ABLIM1: variants seen among roughly 807,000 people sequenced by gnomAD.
The protein encoded by ABLIM1 is actin-binding LIM protein 1.
A neutral mutation model predicts 107.0 loss-of-function variants in ABLIM1; 40 were observed. That is an observed-to-expected ratio of 0.37 (90% CI 0.29 to 0.49). The LOEUF is 0.49. ABLIM1 is among the 20% of genes least tolerant of loss of function. ABLIM1 has a pLI of 0.97. For missense variants in ABLIM1, 857 were observed against 1,008.5 expected, an observed-to-expected ratio of 0.85 and a Z score of 2.04; for synonymous variants, 357 against 357.3, an observed-to-expected ratio of 1.00 and a Z score of 0.01.
intron 6 of ABLIM1, among the ~76,000 whole-genome samples, chr10:114,513,270 C>T (rs1413545679): frequency 6.6e-6 from 1 of 152,050 alleles, no homozygotes; most frequent in Non-Finnish European, 1.5e-5. Context: ...AGAAAGAAAG[C>T]ATATCAGTTC....
intron 1 of ABLIM1, among the ~76,000 whole-genome samples, chr10:114,650,839 T>C (rs1192164187): frequency 6.6e-6 from 1 of 152,176 alleles, no homozygotes; most frequent in Non-Finnish European, 1.5e-5. Flanking sequence ...TTCTCACACA[T>C]TTGGGTGAGA....
Position 114,473,905 on chromosome 10 carries a change from G to GAATACTGGAGCCTGGCCTAGAATA in ABLIM1, c.1069_1092dup (p.Tyr357_Ile364dup), listed in dbSNP as rs779051093. On this transcript the variant is annotated inframe_insertion, in exon 9 of 23. Transcript: ENST00000533213. ...TAGATAGTATGACCTGGTGAGCCAGGAATACTGGAGCCTGGCCTAGAATAA... is the reference window on the plus strand; with the variant it reads ...TAGATAGTATGACCTGGTGAGCCAGGAATACTGGAGCCTGGCCTAGAATAAATACTGGAGCCTGGCCTAGAATAA... 6.2e-7 allele frequency: 1 copy of GAATACTGGAGCCTGGCCTAGAATA among 1,613,616 alleles called. No individual in the cohort carries two copies. Among genetic ancestry groups the GAATACTGGAGCCTGGCCTAGAATA allele is most frequent in the Non-Finnish European group, 8.5e-7 (1 of 1,179,630 alleles).
intron 6 of ABLIM1, among the ~76,000 whole-genome samples, chr10:114,530,745 G>A (rs186383966): frequency 6.6e-6 from 1 of 152,144 alleles, no homozygotes; most frequent in Admixed American, 6.5e-5. Flanking sequence ...TATTGGCCAG[G>A]CTGCTCTCAA....
At chr10:114,702,844 A>G (rs1361451606) in intron 1 of ABLIM1, among the ~76,000 whole-genome samples, 1 of 152,214 alleles carries the variant, frequency 6.6e-6, no homozygotes, top group Non-Finnish European at 1.5e-5. Flanking sequence ...AATTATTCAT[A>G]TAAATAATAA....
intron 6 of ABLIM1, among the ~76,000 whole-genome samples, chr10:114,521,391 A>G (rs2063710745): frequency 6.6e-6 from 1 of 152,268 alleles, no homozygotes; most frequent in Non-Finnish European, 1.5e-5. Context: ...GTATGCTTAT[A>G]AAGTGCTAAG....
intron 4 of ABLIM1, among the ~76,000 whole-genome samples, chr10:114,560,060 G>A (rs2069457800): frequency 6.6e-6 from 1 of 152,220 alleles, no homozygotes; most frequent in African/African-American, 2.4e-5. Context: ...CACCAGCCCA[G>A]TAATTTCTGG....
rs7091500 is a variant in ABLIM1, at chr10:114,509,269, C to T, written c.895-17391G>A. ...GCGGTGTGAGAAAGGACTCCCAGGA[C>T]GAGTCAGGGTGAGGCGCCAGCAGCC... On this transcript the variant is annotated intron_variant, in intron 6 of 22. Coordinates refer to ENST00000533213, the MANE Select transcript of ABLIM1 (RefSeq NM_002313.7). Among the ~76,000 whole-genome samples the T allele has an allele frequency of 6.4e-3, 973 of 152,274 alleles. 10 individuals carry two copies. Among genetic ancestry groups the T allele is most frequent in the African/African-American group, 0.022 (920 of 41,562 alleles).
At chr10:114,793,824 T>C in the ABLIM1 span, among the ~76,000 whole-genome samples, 2 of 152,230 alleles carry the variant, frequency 1.3e-5, no homozygotes, top group African/African-American at 4.8e-5. Context: ...TCCCTCTGTC[T>C]ATTACCAGGG....
At chr10:114,725,647 T>A (rs2081942009) in intron 1 of ABLIM1, among the ~76,000 whole-genome samples, 1 of 151,964 alleles carries the variant, frequency 6.6e-6, no homozygotes, top group Non-Finnish European at 1.5e-5. Context: ...AGATGGGAGC[T>A]ATGTAGGTAT....
At chr10:114,559,266 G>T (rs1350162615) in intron 4 of ABLIM1, among the ~76,000 whole-genome samples, 2 of 151,818 alleles carry the variant, frequency 1.3e-5, no homozygotes, top group African/African-American at 4.8e-5. Flanking sequence ...CTCAATCATG[G>T]TATGCTCTCA....
At chr10:114,551,768 A>G (rs2068089925) in intron 4 of ABLIM1, among the ~76,000 whole-genome samples, 1 of 152,228 alleles carries the variant, frequency 6.6e-6, no homozygotes, top group Non-Finnish European at 1.5e-5. Flanking sequence ...AGAATCAGGT[A>G]CCACGTGAGG....
rs189006311 is a variant in ABLIM1 at position 114,478,803 on chromosome 10, T to G, written c.1042-4847A>C. On this transcript the variant is annotated intron_variant, in intron 8 of 22. Coordinates refer to ENST00000533213, the MANE Select transcript of ABLIM1 (RefSeq NM_002313.7). ...TTCTTTCACTGAATTTACCACTGTT[T>G]GTTTTTGCTTCATTCTGACCTCCTA... Among the ~76,000 whole-genome samples the G allele has an allele frequency of 3.9e-5, 6 of 152,342 alleles. No individual in the cohort carries two copies. The East Asian group carries it at 1.2e-3, about 29-fold the overall frequency.
rs372736737 is a variant in ABLIM1 at position 114,466,302 on chromosome 10, A to G, written c.1312-475T>C. Reference sequence around the variant, plus strand: ...TCCAGCCTGGACGACAGAGTGAGACACTGTTTCTTTAAAAAAAAAAAATTT... The same window carrying G: ...TCCAGCCTGGACGACAGAGTGAGACGCTGTTTCTTTAAAAAAAAAAAATTT... On this transcript the variant is annotated intron_variant, in intron 11 of 22. Transcript: ENST00000533213. Among the ~76,000 whole-genome samples the G allele has an allele frequency of 6.6e-5, 10 of 152,224 alleles. No homozygotes were observed. The East Asian group carries it at 1.5e-3, about 24-fold the overall frequency.
chr10:114,769,500 AAGAG>A (rs1391583256), upstream of ABLIM1, among the ~76,000 whole-genome samples: 3 of 146,140 alleles, frequency 2.1e-5, no homozygotes, highest in South Asian at 2.2e-4. Context: ...AAAGGGAAGG[AAGAG>A]AGAGAAGGAA....
intron 1 of ABLIM1, among the ~76,000 whole-genome samples, chr10:114,649,584 T>C (rs2079153723): frequency 6.6e-6 from 1 of 152,136 alleles, no homozygotes; most frequent in Non-Finnish European, 1.5e-5. Flanking sequence ...CTCTAGTGTA[T>C]TCTGGGTGTG....
intron 8 of ABLIM1, among the ~76,000 whole-genome samples, chr10:114,479,326 C>T (rs10510005): frequency 0.26 from 40,183 of 152,112 alleles, 5,575 homozygotes; most frequent in Middle Eastern, 0.31. Context: ...TCCTTTCATA[C>T]GTGAGCTACA....
intron 1 of ABLIM1, among the ~76,000 whole-genome samples, chr10:114,719,450 T>A (rs866724958): frequency 2.6e-5 from 4 of 152,306 alleles, no homozygotes; most frequent in Non-Finnish European, 2.9e-5. Context: ...ATCCTATCCT[T>A]ACACTTCACC....
intron 8 of ABLIM1, among the ~76,000 whole-genome samples, chr10:114,484,791 T>A (rs753034453): frequency 2.6e-5 from 4 of 152,150 alleles, no homozygotes; most frequent in Non-Finnish European, 4.4e-5. Flanking sequence ...CATCCCCTCA[T>A]GGGCAAATCT....
chr10:114,614,206 C>T (rs1052730481), intron 1 of ABLIM1, among the ~76,000 whole-genome samples: 28 of 152,110 alleles, frequency 1.8e-4, no homozygotes, highest in Non-Finnish European at 3.4e-4. Context: ...ACTCCCAGCA[C>T]GTTGGGAGGC....
Sources: allele counts gnomAD v4.1 joint callset (sites outside exome capture counted in the v4.1 genomes callset), GRCh38; gene constraint gnomAD v4.1.1; transcripts MANE v1.5; gene names NCBI Gene and HGNC (gene_info 2026-07-23, HGNC 2026-07-21).